The following WDR70 variants were observed in gnomAD, a reference collection of about 807,000 sequenced individuals.
WDR70 encodes WD repeat domain 70, also known as WD repeat-containing protein 70.
A neutral mutation model predicts 88.6 loss-of-function variants in WDR70; 53 were observed. That is an observed-to-expected ratio of 0.60 (90% CI 0.48 to 0.75). The LOEUF is 0.75. Among genes scored for constraint, WDR70 ranks in the 30% least tolerant of loss-of-function variants. The probability of loss-of-function intolerance (pLI) is 0.00; values close to 1 mark genes in which losing one functional copy is unlikely to be tolerated. For missense variants in WDR70, 610 were observed against 823.2 expected, an observed-to-expected ratio of 0.74 and a Z score of 3.17; for synonymous variants, 280 against 270.0, an observed-to-expected ratio of 1.04 and a Z score of -0.36.
intron 8 of WDR70, among the ~76,000 whole-genome samples, chr5:37,502,901 A>C (rs1278316854): frequency 6.6e-6 from 1 of 152,168 alleles, no homozygotes; most frequent in East Asian, 1.9e-4. Context: ...TCCATGAAGG[A>C]TTCACCCCCA....
intron 9 of WDR70, among the ~76,000 whole-genome samples, chr5:37,531,733 G>A (rs192644084): frequency 6.6e-6 from 1 of 151,718 alleles, no homozygotes; most frequent in Admixed American, 6.6e-5. Flanking sequence ...ATCTTTAAGT[G>A]GAGCAGTTAG....
chr5:37,415,498 GGT>G lies in WDR70; in HGVS notation c.492+18930_492+18931del, dbSNP rs1256600694. ...CTCCCTCCCGGAAGGGGCGGCTGGG[GGT>G]GGGGGGGGCCTGACCCCCCCACCTC... On this transcript the variant is annotated intron_variant, in intron 5 of 17. Transcript: ENST00000265107. 2.3e-4 allele frequency among the ~76,000 whole-genome samples: 13 copies of G among 56,594 alleles called. 1 individual carries two copies. The highest frequency in any genetic ancestry group is 1.5e-3 in the African/African-American group (12 of 7,918). The allele number at this position is 56,594 out of a possible 152,430, so 37.1% of individuals were successfully genotyped here.
At chr5:37,425,953 A>G (rs1026067860) in intron 5 of WDR70, among the ~76,000 whole-genome samples, 1 of 152,334 alleles carries the variant, frequency 6.6e-6, no homozygotes, top group Non-Finnish European at 1.5e-5. Flanking sequence ...TATTTCTGAG[A>G]CATCCAGGCA....
At chr5:37,694,125 A>C (rs1013060916) in intron 10 of WDR70, among the ~76,000 whole-genome samples, 9 of 152,236 alleles carry the variant, frequency 5.9e-5, no homozygotes, top group Non-Finnish European at 1.3e-4. Context: ...TATCAGAGAA[A>C]TGCAAATCAA....
intron 4 of WDR70, among the ~76,000 whole-genome samples, chr5:37,395,558 T>C (rs1470227422): frequency 1.3e-5 from 2 of 152,200 alleles, no homozygotes; most frequent in Non-Finnish European, 2.9e-5. Context: ...TTTGGCAATG[T>C]AGGAAACTTG....
At position 37,422,490 on chromosome 5, in the gene WDR70, A is replaced by AT. The variant is rs539144175; in HGVS notation, c.493-15426dup. Among the ~76,000 whole-genome samples the AT allele has an allele frequency of 4.2e-3, 630 of 151,726 alleles. 10 individuals are homozygous for AT. The highest frequency in any genetic ancestry group is 0.015 in the African/African-American group (617 of 41,288). ...TGTTTTATTTTATTTATTTATATAT[A>AT]TTTTTTAGACAGAGTCTCACTCTGT... On this transcript the variant is annotated intron_variant, in intron 5 of 17. Coordinates refer to ENST00000265107, the MANE Select transcript of WDR70 (RefSeq NM_018034.4).
intron 9 of WDR70, among the ~76,000 whole-genome samples, chr5:37,527,610 A>G (rs113167013): frequency 0.1 from 15,768 of 152,266 alleles, 953 homozygotes; most frequent in South Asian, 0.2. Context: ...AGCAATGGCA[A>G]TGAAAGCCAA....
At chr5:37,426,462 T>C (rs895077112) in intron 5 of WDR70, among the ~76,000 whole-genome samples, 1 of 152,220 alleles carries the variant, frequency 6.6e-6, no homozygotes, top group African/African-American at 2.4e-5. Context: ...TTCTCATGAC[T>C]ATAAGTTGAC....
intron 10 of WDR70, among the ~76,000 whole-genome samples, chr5:37,695,232 T>A (rs951823614): frequency 1.3e-5 from 2 of 152,108 alleles, no homozygotes; most frequent in Non-Finnish European, 2.9e-5. Flanking sequence ...ATGAGGACAG[T>A]ACCAAAGGGA....
intron 5 of WDR70, among the ~76,000 whole-genome samples, chr5:37,428,217 A>G (rs2112014326): frequency 6.6e-6 from 1 of 152,340 alleles, no homozygotes; most frequent in South Asian, 2.1e-4. Context: ...TCATTAAAAA[A>G]ATAACCAGTT....
At chr5:37,444,595 G>A (rs919124382) in intron 7 of WDR70, among the ~76,000 whole-genome samples, 8 of 151,914 alleles carry the variant, frequency 5.3e-5, no homozygotes, top group Non-Finnish European at 7.4e-5. Flanking sequence ...CACCTGCCTC[G>A]TCTTCCCAAA....
At chr5:37,571,169 A>T (rs1742888914) in intron 9 of WDR70, among the ~76,000 whole-genome samples, 1 of 152,218 alleles carries the variant, frequency 6.6e-6, no homozygotes, top group Admixed American at 6.5e-5. Context: ...TTCAAATTGC[A>T]TATTAAAAGT....
chr5:37,402,530 T>A (rs1014478010), intron 5 of WDR70, among the ~76,000 whole-genome samples: 7 of 152,048 alleles, frequency 4.6e-5, no homozygotes, highest in African/African-American at 1.7e-4. Flanking sequence ...ATATATATAT[T>A]TTTGGGGTAT....
intron 10 of WDR70, among the ~76,000 whole-genome samples, chr5:37,629,637 T>C (rs560067706): frequency 2.7e-4 from 41 of 152,082 alleles, no homozygotes; most frequent in African/African-American, 9.4e-4. Flanking sequence ...TTTTTTATGA[T>C]AATCCACCTC....
intron 7 of WDR70, among the ~76,000 whole-genome samples, chr5:37,452,359 G>A (rs556935589): frequency 2.0e-5 from 3 of 151,514 alleles, no homozygotes; most frequent in African/African-American, 2.4e-5. Flanking sequence ...TCCACCTTCC[G>A]GGTTCAAGCG....
At chr5:37,635,399 T>G (rs1744932034) in intron 10 of WDR70, among the ~76,000 whole-genome samples, 1 of 152,182 alleles carries the variant, frequency 6.6e-6, no homozygotes, top group African/African-American at 2.4e-5. Flanking sequence ...GACCTCTCCT[T>G]GCCTCAGTTT....
rs1206660063 is a variant in WDR70 at position 37,563,423 on chromosome 5, G to A, written c.918-41641G>A. On this transcript the variant is annotated intron_variant, in intron 9 of 17. Coordinates refer to ENST00000265107, the MANE Select transcript of WDR70 (RefSeq NM_018034.4). ...TCCAGGATTGGGCGGCTGGCCGGGC[G>A]GGGGGCTGACCCCCCCACATCCTTC... Among the ~76,000 whole-genome samples, 81 of 61,916 alleles carry A rather than the reference G, an allele frequency of 1.3e-3. 16 individuals are homozygous for A. The highest frequency in any genetic ancestry group is 1.9e-4 in the Non-Finnish European group (5 of 26,514). 40.6% of individuals were successfully genotyped at this position (61,916 alleles called of 152,430 possible). A position where few individuals can be genotyped will look rare whatever the true frequency, so the allele number is the denominator to read the frequency against.
intron 9 of WDR70, among the ~76,000 whole-genome samples, chr5:37,596,062 C>T (rs937901814): frequency 1.1e-4 from 17 of 152,044 alleles, no homozygotes; most frequent in Non-Finnish European, 1.6e-4. Context: ...CTTTCTTCTC[C>T]GCTTTATTTG....
intron 10 of WDR70, among the ~76,000 whole-genome samples, chr5:37,610,846 T>C (rs992526827): frequency 2.0e-5 from 3 of 152,126 alleles, no homozygotes; most frequent in Admixed American, 6.5e-5. Context: ...TACAGAGTAA[T>C]AATGTTCATA....
Sources: gnomAD v4.1 joint callset for allele counts (sites outside exome capture counted in the v4.1 genomes callset) on GRCh38, gnomAD v4.1.1 for gene constraint, MANE v1.5 for transcripts, NCBI Gene and HGNC (gene_info 2026-07-23, HGNC 2026-07-21) for gene names.